RARB: variants seen among roughly 807,000 people sequenced by gnomAD.
The protein encoded by RARB is HBV-activated protein.
In RARB, 17 loss-of-function variants were observed where a neutral mutation model predicts 51.9. The observed-to-expected ratio is 0.33, with a 90% CI of 0.22 to 0.49. The LOEUF is 0.49. RARB is among the 20% of genes least tolerant of loss of function. RARB has a pLI of 0.99. For missense variants in RARB, 369 were observed against 550.8 expected (o/e 0.67, Z 3.30); for synonymous variants, 215 against 195.4 (o/e 1.10, Z -0.84).
rs1337706992 is a variant in RARB at position 25,473,929 on chromosome 3, A to AAAAAAAAAAAAC, written c.306+12592_306+12593insAAAAAAACAAAA. 7.2e-5 allele frequency among the ~76,000 whole-genome samples: 11 copies of AAAAAAAAAAAAC among 151,736 alleles called. No homozygotes were observed. In the East Asian group the frequency reaches 2.1e-3, roughly 29 times the overall value. ...TTTTCTATGTCTGGCAGGAAAAAAA[A>AAAAAAAAAAAAC]AAAACCTTTATCTTGGCTGCAACTC... On this transcript the variant is annotated intron_variant, in intron 2 of 7. Coordinates refer to ENST00000330688, the MANE Select transcript of RARB (RefSeq NM_000965.5).
At position 24,997,708 on chromosome 3, in the gene RARB, A is replaced by G. The variant is rs146481768; in HGVS notation, c.-379-62417A>G. ...CCTGATTTACTTTTTAATATAATTT[A>G]TTAAACTATATACTGTTGATTTATA... On this transcript the variant is annotated intron_variant, in intron 2 of 11. Coordinates refer to the RARB transcript ENST00000383772. Among the ~76,000 whole-genome samples, 450 of 152,176 alleles carry G rather than the reference A, an allele frequency of 3.0e-3. 3 individuals carry two copies. Among genetic ancestry groups the G allele is most frequent in the African/African-American group, 0.01 (434 of 41,546 alleles).
intron 2 of RARB, among the ~76,000 whole-genome samples, chr3:25,040,004 A>G (rs913727099): frequency 7.2e-5 from 11 of 152,206 alleles, no homozygotes; most frequent in Admixed American, 7.2e-4. Context: ...TTAGCTGGGG[A>G]AAGTCAACTT....
chr3:25,378,579 A>C (rs757619255), intron 5 of RARB, among the ~76,000 whole-genome samples: 6 of 152,204 alleles, frequency 3.9e-5, no homozygotes, highest in Non-Finnish European at 7.4e-5. Flanking sequence ...ATTCCTCTGT[A>C]TGTTCTCTGC....
chr3:25,430,988 C>CTTTT (rs11360533), intron 1 of RARB, among the ~76,000 whole-genome samples: 10 of 105,198 alleles, frequency 9.5e-5, no homozygotes, highest in Non-Finnish European at 1.3e-4. Context: ...AAAACTAAAA[C>CTTTT]TTTTTTTTTT....
chr3:25,456,799 C>T (rs1242857129), intron 1 of RARB, among the ~76,000 whole-genome samples: 1 of 143,862 alleles, frequency 7.0e-6, no homozygotes. Flanking sequence ...AACGTTTTTC[C>T]CTTTCTGTTT....
At chr3:24,833,160 T>A (rs1318601504) in intron 1 of RARB, 1 of 152,324 alleles carries the variant, frequency 6.6e-6, no homozygotes, top group Non-Finnish European at 1.5e-5. Context: ...AGCAGCGATC[T>A]GCACTCTTAC....
chr3:25,215,165 G>C (rs73821763), intron 5 of RARB, among the ~76,000 whole-genome samples: 6,267 of 152,218 alleles, frequency 0.041, 415 homozygotes, highest in African/African-American at 0.14. Flanking sequence ...CTTCTGTTTC[G>C]TTTGGTTTTG....
At chr3:25,482,695 A>G (rs1696289688) in intron 2 of RARB, among the ~76,000 whole-genome samples, 1 of 151,416 alleles carries the variant, frequency 6.6e-6, no homozygotes. Context: ...GCGTGCCACC[A>G]TGCCCGGCTA....
At chr3:25,219,410 A>G (rs2125383590) in intron 5 of RARB, among the ~76,000 whole-genome samples, 1 of 152,302 alleles carries the variant, frequency 6.6e-6, no homozygotes, top group African/African-American at 2.4e-5. Flanking sequence ...AATGGCTCTG[A>G]GTTCCTGCGC....
intron 2 of RARB, among the ~76,000 whole-genome samples, chr3:25,478,863 T>C (rs1320624223): frequency 6.6e-6 from 1 of 152,176 alleles, no homozygotes; most frequent in Non-Finnish European, 1.5e-5. Flanking sequence ...AATTTTTTAT[T>C]TTTACCAAAT....
At chr3:25,567,170 A>T (rs1365600528) in intron 3 of RARB, among the ~76,000 whole-genome samples, 1 of 152,158 alleles carries the variant, frequency 6.6e-6, no homozygotes, top group Non-Finnish European at 1.5e-5. Flanking sequence ...GTAGCATAAC[A>T]TTCATCATTT....
intron 3 of RARB, among the ~76,000 whole-genome samples, chr3:25,512,263 A>G (rs1697934259): frequency 6.6e-6 from 1 of 152,190 alleles, no homozygotes; most frequent in African/African-American, 2.4e-5. Context: ...ATTGTACAGG[A>G]CAGCTAATGC....
At chr3:25,312,305 C>T (rs754975) in intron 5 of RARB, among the ~76,000 whole-genome samples, 35,903 of 152,004 alleles carry the variant, frequency 0.24, 4,780 homozygotes, top group African/African-American at 0.37. Flanking sequence ...TTCATATTCA[C>T]TGTTTGATTT....
Position 25,070,915 on chromosome 3 carries a change from T to C in RARB, c.-328+10739T>C, listed in dbSNP as rs183383048. On this transcript the variant is annotated intron_variant, in intron 3 of 11. Transcript: ENST00000383772. The stretch of plus-strand genomic sequence containing the variant: ...TAAATTTTAGGGAGGATCCAGGTAT[T>C]GGGGTATTAGCCTTTAAAGCGTAGC... Among the ~76,000 whole-genome samples the C allele has an allele frequency of 4.3e-4, 65 of 152,296 alleles. 1 individual carries two copies. The highest frequency in any genetic ancestry group is 1.7e-3 in the Admixed American group (26 of 15,296).
chr3:24,946,443 T>G (rs987890374), intron 2 of RARB, among the ~76,000 whole-genome samples: 2 of 151,378 alleles, frequency 1.3e-5, no homozygotes, highest in African/African-American at 4.8e-5. Context: ...CAGCATTTAA[T>G]GAAGAGTGCT....
intron 4 of RARB, among the ~76,000 whole-genome samples, chr3:25,141,161 C>A (rs919985424): frequency 6.6e-6 from 1 of 151,906 alleles, no homozygotes; most frequent in Non-Finnish European, 1.5e-5. Flanking sequence ...AAATATAGTT[C>A]TCTAAAAGAT....
chr3:24,958,017 T>C (rs895498349), intron 2 of RARB, among the ~76,000 whole-genome samples: 1 of 152,200 alleles, frequency 6.6e-6, no homozygotes, highest in East Asian at 1.9e-4. Context: ...ATAATTTTTA[T>C]TGGTGACTGT....
At chr3:24,875,998 T>C (rs1017736293) in intron 2 of RARB, among the ~76,000 whole-genome samples, 1 of 152,158 alleles carries the variant, frequency 6.6e-6, no homozygotes, top group Non-Finnish European at 1.5e-5. Context: ...CTTTTTAGAC[T>C]GTCCCTCCGT....
chr3:25,562,201 C>A lies in RARB; in HGVS notation c.449-7557C>A, dbSNP rs565377126. On this transcript the variant is annotated intron_variant, in intron 3 of 7. Coordinates refer to ENST00000330688, the MANE Select transcript of RARB (RefSeq NM_000965.5). The stretch of plus-strand genomic sequence containing the variant: ...GTTTGGCACAGCGAAGAATTTCCTG[C>A]CTATGAAAATTGATTATGGAAGAGA... Among the ~76,000 whole-genome samples, 125 of 152,004 alleles carry A rather than the reference C, an allele frequency of 8.2e-4. 1 individual carries two copies. Among genetic ancestry groups the A allele is most frequent in the African/African-American group, 2.8e-3 (118 of 41,464 alleles).
Sources: allele counts gnomAD v4.1 joint callset (sites outside exome capture counted in the v4.1 genomes callset), GRCh38; gene constraint gnomAD v4.1.1; transcripts MANE v1.5; gene names NCBI Gene and HGNC (gene_info 2026-07-23, HGNC 2026-07-21).